Variants in NTRK3 observed in about 807,000 individuals in gnomAD.
The protein encoded by NTRK3 is NT-3 growth factor receptor.
Under a neutral mutation model 91.7 loss-of-function variants are expected in NTRK3, and 24 were observed. The observed-to-expected ratio is 0.26, with a 90% CI of 0.19 to 0.37. The LOEUF (loss-of-function observed/expected upper bound fraction) is 0.37. Ranked by LOEUF, NTRK3 falls within the 10% of genes least tolerant of loss-of-function variation. The pLI is 1.00. For synonymous variants in NTRK3, 483 were observed against 404.0 expected, an observed-to-expected ratio of 1.20 and a Z score of -2.34; for missense variants, 880 against 1,068.9, an observed-to-expected ratio of 0.82 and a Z score of 2.46.
In NTRK3 at chr15:88,172,961, G is replaced by T. The variant is rs114080527; in HGVS notation, c.395+10457C>A. On this transcript the variant is annotated intron_variant, in intron 5 of 18. Coordinates refer to ENST00000394480, the Ensembl canonical transcript of NTRK3. ...GGAGACTAATGGTATGAGGGGACTG[G>T]GAATTTACTTTCTTTGGAGGCAGCA... 6.4e-3 allele frequency among the ~76,000 whole-genome samples: 973 copies of T among 152,262 alleles called. 13 individuals are homozygous for T. Among genetic ancestry groups the T allele is most frequent in the African/African-American group, 0.022 (919 of 41,540 alleles).
At chr15:88,212,138 G>T (rs1461207525) in intron 3 of NTRK3, among the ~76,000 whole-genome samples, 2 of 152,146 alleles carry the variant, frequency 1.3e-5, no homozygotes, top group Non-Finnish European at 2.9e-5. Context: ...GGAGGCCGAG[G>T]TGGGCACATC....
At chr15:88,200,562 C>T (rs1041918953) in intron 3 of NTRK3, among the ~76,000 whole-genome samples, 30 of 152,206 alleles carry the variant, frequency 2.0e-4, no homozygotes, top group African/African-American at 7.2e-4. Context: ...TGAGTTCTCA[C>T]AAGATCTGAT....
chr15:88,112,637 TTGCA>T (rs1019003777), intron 13 of NTRK3, among the ~76,000 whole-genome samples: 4 of 152,160 alleles, frequency 2.6e-5, no homozygotes, highest in African/African-American at 9.7e-5. Context: ...ATGTGGAAAC[TTGCA>T]TGGTCACTGG....
chr15:88,212,759 C>CACACAT (rs1444731394), intron 3 of NTRK3, among the ~76,000 whole-genome samples: 59 of 101,274 alleles, frequency 5.8e-4, no homozygotes, highest in Middle Eastern at 5.9e-3. Flanking sequence ...CACACACACA[C>CACACAT]ATCCCAGGCC....
chr15:88,183,254 A>G (rs557139855), intron 5 of NTRK3, among the ~76,000 whole-genome samples, 164 bp downstream of exon 5: 1 of 152,046 alleles, frequency 6.6e-6, no homozygotes, highest in Non-Finnish European at 1.5e-5. Context: ...ATCAAACCCA[A>G]AATAATCCTT....
At chr15:87,866,395 G>A (rs2064678505) in exon 19 of NTRK3, 1 of 173,640 alleles carries the variant, frequency 5.8e-6, no homozygotes, top group Admixed American at 6.4e-5. Flanking sequence ...ACTATCCCCA[G>A]CATTAAAAAG....
intron 14 of NTRK3, chr15:87,978,649 A>C (rs1189352659): frequency 4.3e-6 from 1 of 231,682 alleles, no homozygotes; most frequent in East Asian, 6.1e-5. Flanking sequence ...TGTCACACTC[A>C]TTGTGAGCCG....
At chr15:88,225,454 G>A (rs750904127) in intron 3 of NTRK3, among the ~76,000 whole-genome samples, 8 of 152,096 alleles carry the variant, frequency 5.3e-5, no homozygotes, top group African/African-American at 1.9e-4. Context: ...TTTTCTGTAG[G>A]AGGGACCCCT....
At chr15:88,032,728 G>A in intron 14 of NTRK3, 129 bp downstream of exon 14, 1 of 1,011,434 alleles carries the variant, frequency 9.9e-7, no homozygotes, top group Non-Finnish European at 1.5e-6. Context: ...AAACAGGGAG[G>A]GTCTCTTAGA....
chr15:87,917,366 T>C (rs1217045923), intron 17 of NTRK3, among the ~76,000 whole-genome samples: 1 of 152,168 alleles, frequency 6.6e-6, no homozygotes, highest in Non-Finnish European at 1.5e-5. Flanking sequence ...GAGCAAACCA[T>C]CTGTCTGGGA....
At chr15:87,965,561 G>A (rs2072713962) in intron 14 of NTRK3, among the ~76,000 whole-genome samples, 1 of 152,166 alleles carries the variant, frequency 6.6e-6, no homozygotes, top group Non-Finnish European at 1.5e-5. Flanking sequence ...CTGTCCAGCA[G>A]GAAGAACCTC....
chr15:88,065,828 C>T (rs537271085), intron 13 of NTRK3, among the ~76,000 whole-genome samples: 1 of 152,120 alleles, frequency 6.6e-6, no homozygotes, highest in South Asian at 2.1e-4. Flanking sequence ...AGTGTTAGTA[C>T]CTGTTGAGTT....
intron 17 of NTRK3, among the ~76,000 whole-genome samples, chr15:87,914,066 T>G (rs1255534532): frequency 6.6e-6 from 1 of 152,188 alleles, no homozygotes; most frequent in Non-Finnish European, 1.5e-5. Context: ...ACCCTGTTGT[T>G]AGGCTTTCTT....
intron 14 of NTRK3, among the ~76,000 whole-genome samples, chr15:87,993,788 A>G (rs2075466864): frequency 6.6e-6 from 1 of 152,148 alleles, no homozygotes; most frequent in Non-Finnish European, 1.5e-5. Flanking sequence ...TCCTATGCTC[A>G]TGGCCACTAT....
chr15:87,983,251 G>A (rs1458804972), intron 14 of NTRK3, among the ~76,000 whole-genome samples: 5 of 152,190 alleles, frequency 3.3e-5, no homozygotes, highest in Admixed American at 6.5e-5. Context: ...GAGTGCTGGC[G>A]CTGGGGCCCT....
At position 88,123,896 on chromosome 15, in the gene NTRK3, T is replaced by C. The variant is rs144903125; in HGVS notation, c.1396+2375A>G. Among the ~76,000 whole-genome samples the C allele has an allele frequency of 8.3e-3, 1,262 of 152,302 alleles. 8 individuals carry two copies. The highest frequency in any genetic ancestry group is 0.014 in the Non-Finnish European group (944 of 68,024). ...CAGAATAGATTGCAAATGTTTCTCA[T>C]CAGACTTAACGAGTCTATTCTATCA... is the stretch of plus-strand genomic sequence containing the variant. On this transcript the variant is annotated intron_variant, in intron 13 of 18. Coordinates refer to ENST00000394480, the Ensembl canonical transcript of NTRK3.
At chr15:87,958,660 A>G (rs2071923205) in intron 14 of NTRK3, among the ~76,000 whole-genome samples, 2 of 151,710 alleles carry the variant, frequency 1.3e-5, no homozygotes, top group African/African-American at 4.8e-5. Context: ...CACCCAAGCA[A>G]TTCTCAAATC....
intron 13 of NTRK3, among the ~76,000 whole-genome samples, chr15:88,079,963 TATTAAATACAATC>T (rs1443903907): frequency 1.3e-5 from 2 of 152,232 alleles, no homozygotes; most frequent in Non-Finnish European, 2.9e-5. Flanking sequence ...ATTAGGATTA[TATTAAATACAATC>T]TGACTTTTTC....
At chr15:88,027,188 T>C (rs1278925514) in intron 14 of NTRK3, among the ~76,000 whole-genome samples, 2 of 151,278 alleles carry the variant, frequency 1.3e-5, no homozygotes, top group African/African-American at 4.9e-5. Context: ...GGCTCTCTCT[T>C]GTATGATCTG....
Sources: gnomAD v4.1 joint callset for allele counts (sites outside exome capture counted in the v4.1 genomes callset) on GRCh38, gnomAD v4.1.1 for gene constraint, MANE v1.5 for transcripts, NCBI Gene and HGNC (gene_info 2026-07-23, HGNC 2026-07-21) for gene names.